DIS3L2: variants seen among roughly 807,000 people sequenced by gnomAD.
DIS3L2 encodes DIS3 like 3'-5' exoribonuclease 2, also known as DIS3-like exonuclease 2.
Under a neutral mutation model 97.5 loss-of-function variants are expected in DIS3L2, and 34 were observed. The ratio of observed to expected loss-of-function variants is 0.35; its 90% confidence interval spans 0.27 to 0.46. The LOEUF (loss-of-function observed/expected upper bound fraction) is 0.46, where lower values mean the gene tolerates loss of function less well. Ranked by LOEUF, DIS3L2 falls within the 20% of genes least tolerant of loss-of-function variation. The pLI is 1.00. For synonymous variants in DIS3L2, 435 were observed against 445.2 expected, an observed-to-expected ratio of 0.98 and a Z score of 0.29; for missense variants, 1,038 against 1,146.0, an observed-to-expected ratio of 0.91 and a Z score of 1.36.
intron 1 of DIS3L2, among the ~76,000 whole-genome samples, chr2:231,966,641 A>AC (rs1692724313): frequency 4.0e-5 from 2 of 50,360 alleles, no homozygotes; most frequent in Non-Finnish European, 7.2e-5. Flanking sequence ...GTTAAAAAAC[A>AC]TTTTTTTTTT....
chr2:232,169,688 T>A (rs183420345), intron 9 of DIS3L2, among the ~76,000 whole-genome samples: 83 of 152,294 alleles, frequency 5.4e-4, no homozygotes, highest in Non-Finnish European at 9.8e-4. Flanking sequence ...TAATCCCCTG[T>A]CCTGGGTCAT....
chr2:232,243,236 C>T (rs1287327884), intron 11 of DIS3L2, among the ~76,000 whole-genome samples: 5 of 152,032 alleles, frequency 3.3e-5, no homozygotes, highest in Non-Finnish European at 5.9e-5. Flanking sequence ...GAGGGCATTC[C>T]AGGCAGAGGC....
In DIS3L2 at chr2:231,978,782, G is replaced by T. The variant is rs1246954856; in HGVS notation, c.-94+17017G>T. 2.6e-5 allele frequency: 4 copies of T among 152,190 alleles called. No individual in the cohort carries two copies. The East Asian group carries it at 7.7e-4, about 29-fold the overall frequency. 9.4% of individuals were successfully genotyped at this position (152,190 alleles called of 1,614,324 possible). A position where few individuals can be genotyped will look rare whatever the true frequency, so the allele number is the denominator to read the frequency against. On this transcript the variant is annotated intron_variant, in intron 1 of 20. Coordinates refer to ENST00000325385, the MANE Select transcript of DIS3L2 (RefSeq NM_152383.5). The stretch of plus-strand genomic sequence containing the variant: ...GTGTGGCCCAGTGCTTCTTTACCTT[G>T]TGTATAAGAATCACCAGGGGAGGGG...
intron 5 of DIS3L2, among the ~76,000 whole-genome samples, chr2:232,071,721 A>G (rs1459147471): frequency 6.6e-6 from 1 of 152,106 alleles, no homozygotes; most frequent in Non-Finnish European, 1.5e-5. Flanking sequence ...TCTTTTTAAA[A>G]TAGAGACGAG....
intron 9 of DIS3L2, among the ~76,000 whole-genome samples, chr2:232,207,619 G>A (rs893649693): frequency 1.1e-4 from 17 of 152,106 alleles, no homozygotes; most frequent in African/African-American, 3.1e-4. Flanking sequence ...GGGAGAGTGG[G>A]TCTCCTGATT....
rs202022209 is a variant in DIS3L2 at position 232,334,471 on chromosome 2, C to T, written c.2261C>T (p.Thr754Ile). The change falls in exon 18 of 21, where the codon ACC becomes ATC. Residue 754 changes from threonine (T) to isoleucine (I), a missense_variant. Around this residue, in one of 3 missense-constraint regions of DIS3L2, gnomAD observed 221 missense variants for 246.9 expected, o/e 0.90. Transcript: ENST00000325385. ...TCCAAGCGCGTGCAGGAGCTCAGTA[C>T]CAGTCTCTTCTTTGCTGTTCTGGTC... ...MASKRVQELS[T>I]SLFFAVLVKE... 3.1e-6 allele frequency: 5 copies of T among 1,613,920 alleles called. No individual in the cohort carries two copies. In the South Asian group the frequency reaches 3.3e-5, roughly 11 times the overall value.
rs145352697 is a variant in DIS3L2 at position 232,031,701 on chromosome 2, C to T, written c.366+1621C>T. ...TGTATGTGATGTTCCCCTCACTGTG[C>T]CCATATGTTCTCATTGTTCACCTCC... On this transcript the variant is annotated intron_variant, in intron 5 of 20. Transcript: ENST00000325385. 3.4e-3 allele frequency among the ~76,000 whole-genome samples: 514 copies of T among 151,866 alleles called. 7 individuals carry two copies. Among genetic ancestry groups the T allele is most frequent in the African/African-American group, 0.012 (479 of 41,390 alleles).
chr2:232,012,834 A>C (rs1448508458), intron 1 of DIS3L2, among the ~76,000 whole-genome samples: 2 of 152,160 alleles, frequency 1.3e-5, no homozygotes, highest in Non-Finnish European at 2.9e-5. Flanking sequence ...TCCTTGTCCT[A>C]TGCCCTCCTC....
At chr2:232,004,080 T>A (rs1693981785) in intron 1 of DIS3L2, among the ~76,000 whole-genome samples, 1 of 115,188 alleles carries the variant, frequency 8.7e-6, no homozygotes. Context: ...CTTATTTATT[T>A]GTTTTTTTTG....
Position 232,130,923 on chromosome 2 carries a change from A to G in DIS3L2, c.702+204A>G, listed in dbSNP as rs1220717194. ...CTTCCTGCCTTTGGATAAGGGGTCA[A>G]GGCCTTTTCTTTGAGTGTGGGTATG... On this transcript the variant is annotated intron_variant, in intron 7 of 20. Transcript: ENST00000325385. 7 of 697,016 alleles carry G rather than the reference A, an allele frequency of 1.0e-5. No individual in the cohort carries two copies. In the Admixed American group the frequency reaches 1.1e-4, roughly 11 times the overall value. 43.2% of individuals were successfully genotyped at this position (697,016 alleles called of 1,614,324 possible).
At chr2:232,248,882 T>C (rs1693337966) in intron 11 of DIS3L2, among the ~76,000 whole-genome samples, 1 of 152,246 alleles carries the variant, frequency 6.6e-6, no homozygotes, top group African/African-American at 2.4e-5. Context: ...CCTTGGGCTC[T>C]TAAGTATATG....
At chr2:232,005,410 T>G (rs1349837318) in intron 1 of DIS3L2, among the ~76,000 whole-genome samples, 4 of 152,054 alleles carry the variant, frequency 2.6e-5, no homozygotes, top group African/African-American at 9.7e-5. Context: ...CTTCTTCAGC[T>G]CTCTCCTCTT....
rs552120127 is a variant in DIS3L2 at position 232,227,118 on chromosome 2, GT to G, written c.1205-11412del. Among the ~76,000 whole-genome samples, 14 of 152,280 alleles carry G rather than the reference GT, an allele frequency of 9.2e-5. No individual in the cohort carries two copies. The South Asian group carries it at 2.9e-3, about 32-fold the overall frequency. ...GTTTTCATTTCAACAAATATTTATT[GT>G]TTCTGTAAAGGAATTACTTTCAGTC... On this transcript the variant is annotated intron_variant, in intron 10 of 20. Transcript: ENST00000325385.
intron 14 of DIS3L2, among the ~76,000 whole-genome samples, chr2:232,318,844 G>A (rs1296020513): frequency 6.6e-6 from 1 of 152,202 alleles, no homozygotes; most frequent in East Asian, 1.9e-4. Flanking sequence ...CATGCTTGTT[G>A]GAATGAGGAG....
downstream of DIS3L2, among the ~76,000 whole-genome samples, chr2:232,337,614 G>A (rs1315912330): frequency 6.6e-5 from 10 of 152,046 alleles, no homozygotes; most frequent in South Asian, 2.1e-4. Flanking sequence ...TTCCCCCTCC[G>A]TGGGGGAAGC....
intron 1 of DIS3L2, among the ~76,000 whole-genome samples, chr2:231,995,842 A>G (rs1377376307): frequency 6.6e-6 from 1 of 152,246 alleles, no homozygotes; most frequent in Non-Finnish European, 1.5e-5. Flanking sequence ...CTAGAAATAG[A>G]AGATTTTGAC....
chr2:232,237,472 G>A (rs1451785955), intron 10 of DIS3L2, among the ~76,000 whole-genome samples: 1 of 152,152 alleles, frequency 6.6e-6, no homozygotes, highest in Non-Finnish European at 1.5e-5. Flanking sequence ...TATGTGCCAG[G>A]TACTCTTCCA....
chr2:232,255,290 G>A (rs191362283), intron 12 of DIS3L2, among the ~76,000 whole-genome samples: 24 of 152,326 alleles, frequency 1.6e-4, no homozygotes, highest in Admixed American at 5.2e-4. Context: ...TTCTCTTGGC[G>A]TAAAGGTTTG....
intron 6 of DIS3L2, among the ~76,000 whole-genome samples, chr2:232,129,938 T>G (rs1574897666): frequency 6.6e-6 from 1 of 152,342 alleles, no homozygotes; most frequent in African/African-American, 2.4e-5. Context: ...CTTTTGTTCA[T>G]GAGTGTTTTT....
Sources: gnomAD v4.1 joint callset for allele counts (sites outside exome capture counted in the v4.1 genomes callset) on GRCh38, gnomAD v4.1.1 for gene constraint, gnomAD v4.1.1 regional missense constraint, MANE v1.5 for transcripts, NCBI Gene and HGNC (gene_info 2026-07-23, HGNC 2026-07-21) for gene names.